MMP26: variants seen among roughly 807,000 people sequenced by gnomAD.
The protein encoded by MMP26 is matrix metalloproteinase-26.
MMP26 carries 33 observed loss-of-function variants against 31.0 expected under a neutral mutation model. The ratio of observed to expected loss-of-function variants is 1.06; its 90% CI spans 0.81 to 1.42. The LOEUF is 1.42. Among genes scored for constraint, MMP26 ranks in the 40% most tolerant of loss-of-function variants. MMP26 has a pLI of 0.00. For synonymous variants in MMP26, 122 were observed against 114.9 expected (o/e 1.06, Z -0.40); for missense variants, 347 against 316.1 (o/e 1.10, Z -0.74).
At chr11:4,804,655 T>C in intron 2 of MMP26, 3 of 536,092 alleles carry the variant, frequency 5.6e-6, no homozygotes, top group Non-Finnish European at 1.1e-5. Context: ...AGAATCAATA[T>C]TTTTCTTGAC....
intron 2 of MMP26, among the ~76,000 whole-genome samples, chr11:4,871,231 A>C (rs575112749): frequency 6.6e-6 from 1 of 152,102 alleles, no homozygotes; most frequent in Non-Finnish European, 1.5e-5. Flanking sequence ...GTGAAAAAGA[A>C]CATTCACTGA....
intron 2 of MMP26, among the ~76,000 whole-genome samples, chr11:4,917,610 G>A (rs936119325): frequency 3.3e-5 from 5 of 152,254 alleles, no homozygotes; most frequent in East Asian, 1.9e-4. Flanking sequence ...CTCTCACACC[G>A]TGCTCCTCAG....
At chr11:4,751,076 T>C (rs893905572) in intron 1 of MMP26, among the ~76,000 whole-genome samples, 11 of 152,110 alleles carry the variant, frequency 7.2e-5, no homozygotes, top group Non-Finnish European at 1.5e-4. Flanking sequence ...AAAATTTTAC[T>C]CAGTTGAAAG....
intron 2 of MMP26, among the ~76,000 whole-genome samples, chr11:4,956,630 A>G (rs2133616224): frequency 6.6e-6 from 1 of 152,306 alleles, no homozygotes; most frequent in East Asian, 1.9e-4. Context: ...GTGTTGCAGG[A>G]CAAACATCCT....
chr11:4,924,290 G>C (rs376397711), intron 2 of MMP26: 2 of 1,613,476 alleles, frequency 1.2e-6, no homozygotes, highest in East Asian at 2.2e-5. Context: ...TTGGAAGCCC[G>C]TCAGGAAGAA....
intron 1 of MMP26, chr11:4,723,052 C>A: frequency 2.6e-6 from 3 of 1,158,630 alleles, no homozygotes; most frequent in Non-Finnish European, 2.6e-6. Context: ...GTTTGACTTT[C>A]ATCAGCTCCT....
chr11:4,943,317 A>T, intron 2 of MMP26: 1 of 316,424 alleles, frequency 3.2e-6, no homozygotes, highest in Non-Finnish European at 6.3e-6. Flanking sequence ...AAGTCTTTTA[A>T]CATCTCTCAA....
At chr11:4,981,361 TG>T (rs1267732432) in intron 2 of MMP26, among the ~76,000 whole-genome samples, 1 of 152,268 alleles carries the variant, frequency 6.6e-6, no homozygotes, top group East Asian at 1.9e-4. Context: ...CTAAAGTATA[TG>T]CTATAGCCTA....
At chr11:4,887,324 T>G (rs1355960664) in intron 2 of MMP26, among the ~76,000 whole-genome samples, 1 of 152,114 alleles carries the variant, frequency 6.6e-6, no homozygotes, top group Non-Finnish European at 1.5e-5. Flanking sequence ...TTACTGGAAG[T>G]TTAATTACAA....
chr11:4,934,928 G>C (rs1290784694), intron 2 of MMP26, among the ~76,000 whole-genome samples: 1 of 151,540 alleles, frequency 6.6e-6, no homozygotes, highest in Admixed American at 6.6e-5. Context: ...CTGTTCCATT[G>C]ATCTATATCT....
intron 2 of MMP26, among the ~76,000 whole-genome samples, chr11:4,958,302 G>T (rs1846471825): frequency 6.6e-6 from 1 of 152,122 alleles, no homozygotes; most frequent in Non-Finnish European, 1.5e-5. Flanking sequence ...TCTTGCTAGC[G>T]CGAACAATAA....
intron 2 of MMP26, chr11:4,947,272 TTG>T: frequency 2.1e-6 from 1 of 480,694 alleles, no homozygotes; most frequent in South Asian, 2.7e-5. Flanking sequence ...AGATGGTTGG[TTG>T]CTGCTTTGGA....
At chr11:4,848,325 T>C (rs2133497013) in intron 2 of MMP26, 1 of 1,613,886 alleles carries the variant, frequency 6.2e-7, no homozygotes, top group Non-Finnish European at 8.5e-7. Context: ...GAGAATAGGG[T>C]TTATCAATGG....
intron 2 of MMP26, among the ~76,000 whole-genome samples, chr11:4,925,622 G>C (rs73407022): frequency 0.072 from 10,935 of 152,082 alleles, 743 homozygotes; most frequent in East Asian, 0.18. Context: ...AAGGAAAGAT[G>C]GGGGGTCAGT....
chr11:4,821,039 A>G (rs1314309442), intron 2 of MMP26, among the ~76,000 whole-genome samples: 1 of 152,184 alleles, frequency 6.6e-6, no homozygotes, highest in African/African-American at 2.4e-5. Context: ...TTTATTCCAG[A>G]ATCAAAATTT....
intron 2 of MMP26, among the ~76,000 whole-genome samples, chr11:4,923,152 A>G (rs1453549913): frequency 1.3e-5 from 2 of 152,188 alleles, no homozygotes; most frequent in South Asian, 2.1e-4. Context: ...CAACATCCCT[A>G]TGAGGAAGGA....
intron 2 of MMP26, among the ~76,000 whole-genome samples, chr11:4,967,607 T>G (rs1016600829): frequency 6.6e-6 from 1 of 152,180 alleles, no homozygotes; most frequent in Non-Finnish European, 1.5e-5. Flanking sequence ...AGGCTGTTTT[T>G]TTCCTAGAAG....
At chr11:4,847,457 T>C (rs923787296) in intron 2 of MMP26, 1 of 150,694 alleles carries the variant, frequency 6.6e-6, no homozygotes, top group African/African-American at 2.4e-5. Context: ...TATGCAAAAA[T>C]TTAAAAAATT....
intron 2 of MMP26, among the ~76,000 whole-genome samples, chr11:4,793,328 T>C (rs1236732629): frequency 6.6e-6 from 1 of 152,176 alleles, no homozygotes; most frequent in African/African-American, 2.4e-5. Flanking sequence ...TCTTTGGTGT[T>C]TCTATTTTTT....
Sources: allele counts gnomAD v4.1 joint callset (sites outside exome capture counted in the v4.1 genomes callset), GRCh38; gene constraint gnomAD v4.1.1; transcripts MANE v1.5; gene names NCBI Gene and HGNC (gene_info 2026-07-23, HGNC 2026-07-21).